The following KCND3 variants were observed in gnomAD, a reference collection of about 807,000 sequenced individuals.
KCND3 encodes the protein A-type voltage-gated potassium channel KCND3.
A neutral mutation model predicts 51.1 loss-of-function variants in KCND3; 9 were observed. That is an observed-to-expected ratio of 0.18 (90% confidence interval 0.11 to 0.31). The LOEUF (loss-of-function observed/expected upper bound fraction) is 0.31. Ranked by LOEUF, KCND3 falls within the 10% of genes least tolerant of loss-of-function variation. The pLI, the probability that KCND3 is intolerant of heterozygous loss-of-function variation, is 1.00. For missense variants in KCND3, 526 were observed against 903.8 expected, an observed-to-expected ratio of 0.58 and a Z score of 5.36; for synonymous variants, 349 against 368.0, an observed-to-expected ratio of 0.95 and a Z score of 0.59.
At chr1:111,866,931 T>C (rs549270866) in intron 2 of KCND3, among the ~76,000 whole-genome samples, 1 of 152,336 alleles carries the variant, frequency 6.6e-6, no homozygotes, top group South Asian at 2.1e-4. Flanking sequence ...AGGAAGCCAT[T>C]TGAAGGGCAC....
At chr1:111,917,686 G>C (rs551807751) in intron 2 of KCND3, among the ~76,000 whole-genome samples, 1 of 152,122 alleles carries the variant, frequency 6.6e-6, no homozygotes, top group Non-Finnish European at 1.5e-5. Flanking sequence ...TTTAATGACC[G>C]TGGGAAGGGA....
At position 111,776,056 on chromosome 1, in the gene KCND3, C is replaced by T. The variant is rs368359988; in HGVS notation, c.*21G>A. The stretch of plus-strand genomic sequence containing the variant: ...TCCCCTTCATTCCCCACTACCCACT[C>T]TGGCCCTCTGTCCAGTGGTTTTACA... On this transcript the variant is annotated 3_prime_UTR_variant, in exon 8 of 8. Transcript: ENST00000302127. The T allele has an allele frequency of 9.9e-6, 16 of 1,613,842 alleles. No homozygotes were observed. The highest frequency in any genetic ancestry group is 1.4e-5 in the Non-Finnish European group (16 of 1,179,704).
intron 2 of KCND3, among the ~76,000 whole-genome samples, chr1:111,955,786 C>T (rs988095473): frequency 7.9e-5 from 12 of 152,220 alleles, no homozygotes; most frequent in East Asian, 1.9e-4. Flanking sequence ...TTGCGTTCAA[C>T]ACCCTACATG....
At chr1:111,840,400 T>C (rs1223087288) in intron 2 of KCND3, among the ~76,000 whole-genome samples, 1 of 152,128 alleles carries the variant, frequency 6.6e-6, no homozygotes, top group African/African-American at 2.4e-5. Context: ...CAAGCATTCT[T>C]TGCGTCTTCA....
Position 111,776,183 on chromosome 1 carries a change from G to C in KCND3, c.1862C>G (p.Pro621Arg). 6.2e-7 allele frequency: 1 copy of C among 1,614,238 alleles called. No individual in the cohort carries two copies. The part of the protein sequence containing the change: ...TTAIISIPTP[P>R]ALTPEGESRP... The stretch of plus-strand genomic sequence containing the variant: ...ACTTTCCCCCTCTGGGGTTAGCGCT[G>C]GGGGAGTGGGGATGCTGATGATGGC... Residue 621 changes from proline to arginine, a missense_variant, in exon 8 of 8, where the codon CCA (proline) becomes CGA (arginine). Coordinates refer to ENST00000302127, the MANE Select transcript of KCND3 (RefSeq NM_001378969.1).
chr1:111,876,232 C>T (rs991007723), intron 2 of KCND3, among the ~76,000 whole-genome samples: 1 of 152,220 alleles, frequency 6.6e-6, no homozygotes, highest in African/African-American at 2.4e-5. Flanking sequence ...CACCTGTCTG[C>T]CTCAGTTTCC....
At chr1:111,857,769 A>G (rs954730790) in intron 2 of KCND3, among the ~76,000 whole-genome samples, 7 of 151,498 alleles carry the variant, frequency 4.6e-5, no homozygotes, top group South Asian at 4.2e-4. Flanking sequence ...CCCCTATCTA[A>G]AGAGCCCCCT....
chr1:111,854,275 G>A (rs565089484), intron 2 of KCND3, among the ~76,000 whole-genome samples: 2 of 152,340 alleles, frequency 1.3e-5, no homozygotes, highest in South Asian at 4.2e-4. Flanking sequence ...ATGAACTTCA[G>A]ATAATGTAAT....
At chr1:111,846,378 G>A (rs922283740) in intron 2 of KCND3, among the ~76,000 whole-genome samples, 1 of 152,026 alleles carries the variant, frequency 6.6e-6, no homozygotes. Flanking sequence ...CTTTCCCCGG[G>A]TTATGTAAGA....
At chr1:111,864,864 T>G (rs1668483526) in intron 2 of KCND3, among the ~76,000 whole-genome samples, 2 of 151,466 alleles carry the variant, frequency 1.3e-5, no homozygotes, top group African/African-American at 2.4e-5. Flanking sequence ...TACGTTAGGG[T>G]TGGGGGGAAG....
chr1:111,913,326 C>T (rs147417009), intron 2 of KCND3, among the ~76,000 whole-genome samples: 160 of 152,206 alleles, frequency 1.1e-3, no homozygotes, highest in Admixed American at 4.8e-3. Context: ...AACTAAATTG[C>T]CCAACAATCC....
At chr1:111,818,150 GT>G (rs1342315986) in intron 2 of KCND3, among the ~76,000 whole-genome samples, 1 of 152,126 alleles carries the variant, frequency 6.6e-6, no homozygotes, top group African/African-American at 2.4e-5. Context: ...TGGGCTGGTG[GT>G]TCTAGGCAGT....
At chr1:111,793,625 T>C (rs1664935967) in intron 2 of KCND3, among the ~76,000 whole-genome samples, 1 of 152,216 alleles carries the variant, frequency 6.6e-6, no homozygotes, top group Non-Finnish European at 1.5e-5. Context: ...TAAACACTCA[T>C]TAAATGGCAG....
chr1:111,898,561 G>C (rs936608020), intron 2 of KCND3, among the ~76,000 whole-genome samples: 4 of 152,218 alleles, frequency 2.6e-5, no homozygotes, highest in Admixed American at 2.0e-4. Context: ...GGCACAAGGA[G>C]ACTTTCAGTA....
chr1:111,943,557 T>G (rs114936856), intron 2 of KCND3, among the ~76,000 whole-genome samples: 2,687 of 152,318 alleles, frequency 0.018, 69 homozygotes, highest in African/African-American at 0.061. Context: ...AGTCTCCTGA[T>G]GTTTCCTCAG....
intron 2 of KCND3, among the ~76,000 whole-genome samples, chr1:111,969,030 C>G (rs1571919870): frequency 6.6e-6 from 1 of 151,666 alleles, no homozygotes; most frequent in Non-Finnish European, 1.5e-5. Flanking sequence ...TTTGGAGGGG[C>G]AAAAACACGA....
intron 2 of KCND3, among the ~76,000 whole-genome samples, chr1:111,948,253 C>T (rs895101354): frequency 3.3e-5 from 5 of 152,202 alleles, no homozygotes; most frequent in African/African-American, 1.2e-4. Context: ...TGGCCATGGG[C>T]TCCCCTGCCA....
chr1:111,915,327 A>C (rs971809970), intron 2 of KCND3, among the ~76,000 whole-genome samples: 2 of 152,218 alleles, frequency 1.3e-5, no homozygotes, highest in Non-Finnish European at 2.9e-5. Context: ...AGAGATAATC[A>C]CATTGGATTT....
intron 1 of KCND3, among the ~76,000 whole-genome samples, chr1:111,987,600 T>TGACC (rs918717104): frequency 4.6e-5 from 7 of 152,212 alleles, no homozygotes; most frequent in African/African-American, 1.7e-4. Context: ...ACTGCAGGAA[T>TGACC]GACCCACTCA....
Sources: gnomAD v4.1 joint callset for allele counts (sites outside exome capture counted in the v4.1 genomes callset) on GRCh38, gnomAD v4.1.1 for gene constraint, MANE v1.5 for transcripts, NCBI Gene and HGNC (gene_info 2026-07-23, HGNC 2026-07-21) for gene names.